Variants in NAT1 observed in about 807,000 individuals in gnomAD.
The protein encoded by NAT1 is N-acetyltransferase 1.
For missense variants in NAT1, 400 were observed against 339.2 expected (o/e 1.18, Z -1.41); for synonymous variants, 144 against 122.6 (o/e 1.17, Z -1.16).
rs548989882 is a variant in NAT1, at chr8:18,173,456, T to C, written n.92+2717T>C. 9.2e-5 allele frequency among the ~76,000 whole-genome samples: 14 copies of C among 152,300 alleles called. No individual in the cohort carries two copies. In the East Asian group the frequency reaches 2.7e-3, roughly 29 times the overall value. ...ACTACACAGAGGAAAAGCAAGGCTG[T>C]TGTGGATACTCATGTGCTTATGCTG... On this transcript the variant is annotated intron_variant and non_coding_transcript_variant, in intron 2 of 4. Transcript: ENST00000517441.
intron 2 of NAT1, among the ~76,000 whole-genome samples, chr8:18,196,390 C>G (rs1803234925): frequency 6.6e-6 from 1 of 151,176 alleles, no homozygotes; most frequent in African/African-American, 2.4e-5. Context: ...TAGGGATGAA[C>G]ATATGAGGAA....
chr8:18,204,502 C>T (rs568588954), intron 2 of NAT1, among the ~76,000 whole-genome samples: 12 of 152,238 alleles, frequency 7.9e-5, no homozygotes, highest in Non-Finnish European at 1.5e-4. Context: ...AAAACTGAAA[C>T]ATTACTTATT....
At chr8:18,201,270 C>A (rs974595590) in intron 2 of NAT1, 1 of 152,076 alleles carries the variant, frequency 6.6e-6, no homozygotes, top group African/African-American at 2.4e-5. Context: ...AAACTCATTA[C>A]CAATTCAACT....
intron 2 of NAT1, among the ~76,000 whole-genome samples, chr8:18,175,401 T>C (rs1039984021): frequency 3.3e-5 from 5 of 152,068 alleles, no homozygotes; most frequent in Non-Finnish European, 7.4e-5. Context: ...TGGTAATCCC[T>C]CTATACTTTT....
chr8:18,220,907 C>T (rs1037143305), intron 2 of NAT1, among the ~76,000 whole-genome samples: 3 of 152,196 alleles, frequency 2.0e-5, no homozygotes, highest in Admixed American at 2.0e-4. Context: ...AAATTGGTCC[C>T]ACCTAGTCCA....
chr8:18,200,610 C>G (rs570659109), intron 2 of NAT1, among the ~76,000 whole-genome samples: 3 of 152,226 alleles, frequency 2.0e-5, no homozygotes, highest in African/African-American at 7.2e-5. Flanking sequence ...GGGTGATGAA[C>G]TAACCTGTAC....
chr8:18,204,971 A>G (rs962493048), intron 2 of NAT1, among the ~76,000 whole-genome samples: 1 of 152,138 alleles, frequency 6.6e-6, no homozygotes, highest in African/African-American at 2.4e-5. Context: ...CAACTTCTGG[A>G]CTGTATGCTC....
upstream of NAT1, among the ~76,000 whole-genome samples, chr8:18,209,085 T>A (rs1803864802): frequency 6.6e-6 from 1 of 152,180 alleles, no homozygotes; most frequent in African/African-American, 2.4e-5. Flanking sequence ...GGAGGCAGTG[T>A]TATACAAGCC....
At chr8:18,187,668 C>T (rs1037412113) in intron 2 of NAT1, among the ~76,000 whole-genome samples, 10 of 151,464 alleles carry the variant, frequency 6.6e-5, no homozygotes, top group Non-Finnish European at 1.0e-4. Flanking sequence ...CACATGGACA[C>T]GAAGAAGGGA....
intron 2 of NAT1, among the ~76,000 whole-genome samples, chr8:18,198,282 A>C (rs1000853877): frequency 6.6e-6 from 1 of 152,176 alleles, no homozygotes. Flanking sequence ...TCAGAGAAAA[A>C]CATTATGAGA....
chr8:18,220,212 A>T lies in NAT1; in HGVS notation c.-7+723A>T, dbSNP rs187821007. Among the ~76,000 whole-genome samples the T allele has an allele frequency of 6.4e-3, 972 of 152,322 alleles. 4 individuals are homozygous for T. Among genetic ancestry groups the T allele is most frequent in the Non-Finnish European group, 8.1e-3 (550 of 68,032 alleles). ...CGAAAGGGTGCTGGTGGAAGTTAGG[A>T]TGAGAAGAAATGCAATCTAATAGAT... On this transcript the variant is annotated intron_variant, in intron 2 of 2. Transcript: ENST00000307719.
At chr8:18,190,277 G>A (rs1484399788) in intron 2 of NAT1, among the ~76,000 whole-genome samples, 1 of 152,140 alleles carries the variant, frequency 6.6e-6, no homozygotes, top group African/African-American at 2.4e-5. Context: ...AACTTTTTCT[G>A]TTCACTCCTG....
chr8:18,199,835 C>T (rs1219355636), intron 2 of NAT1, among the ~76,000 whole-genome samples: 1 of 151,980 alleles, frequency 6.6e-6, no homozygotes, highest in East Asian at 1.9e-4. Flanking sequence ...AACAAACAGC[C>T]ACATTAAAAG....
At position 18,195,538 on chromosome 8, in the gene NAT1, C is replaced by T. The variant is rs114861435; in HGVS notation, n.93-14243C>T. Reference sequence around the variant, plus strand: ...GGACCCATCCCCAGAGAACTGTATACGCTTCCTGCTTTCAAATAATATGTG... The same window carrying T: ...GGACCCATCCCCAGAGAACTGTATATGCTTCCTGCTTTCAAATAATATGTG... On this transcript the variant is annotated intron_variant and non_coding_transcript_variant, in intron 2 of 4. Coordinates refer to the NAT1 transcript ENST00000517441. Among the ~76,000 whole-genome samples the T allele has an allele frequency of 3.5e-4, 53 of 152,284 alleles. 1 individual carries two copies. The highest frequency in any genetic ancestry group is 1.2e-3 in the African/African-American group (50 of 41,562).
At chr8:18,176,814 T>C (rs1802313212) in intron 2 of NAT1, among the ~76,000 whole-genome samples, 1 of 152,140 alleles carries the variant, frequency 6.6e-6, no homozygotes, top group Middle Eastern at 3.4e-3. Flanking sequence ...TTGGGTATTA[T>C]GGATAGTTTA....
rs28383666 is a variant in NAT1, at chr8:18,178,635, T to G, written n.92+7896T>G. On this transcript the variant is annotated intron_variant and non_coding_transcript_variant, in intron 2 of 4. Coordinates refer to the NAT1 transcript ENST00000517441. The stretch of plus-strand genomic sequence containing the variant: ...GAAAATTATCACTGTTCTTTCCATT[T>G]AAGTCACAGATGAATAGAATTGCAA... Among the ~76,000 whole-genome samples, 1,487 of 152,298 alleles carry G rather than the reference T, an allele frequency of 9.8e-3. 15 individuals carry two copies. Among genetic ancestry groups the G allele is most frequent in the African/African-American group, 0.033 (1,353 of 41,576 alleles).
At chr8:18,185,562 C>G (rs1802700259) in intron 2 of NAT1, among the ~76,000 whole-genome samples, 1 of 152,044 alleles carries the variant, frequency 6.6e-6, no homozygotes, top group African/African-American at 2.4e-5. Flanking sequence ...TTTGGTCAGT[C>G]TCATCAGGGT....
chr8:18,196,619 G>A (rs1186211360), intron 2 of NAT1, among the ~76,000 whole-genome samples: 1 of 152,138 alleles, frequency 6.6e-6, no homozygotes, highest in African/African-American at 2.4e-5. Context: ...ATTTCAATCT[G>A]AGAAAGTCAT....
intron 2 of NAT1, among the ~76,000 whole-genome samples, chr8:18,179,162 G>A (rs1802411125): frequency 6.6e-6 from 1 of 152,074 alleles, no homozygotes; most frequent in African/African-American, 2.4e-5. Context: ...TTTGGTGTCT[G>A]TTCCTTGCCT....
Sources: gnomAD v4.1 joint callset for allele counts (sites outside exome capture counted in the v4.1 genomes callset) on GRCh38, gnomAD v4.1.1 for gene constraint, MANE v1.5 for transcripts, NCBI Gene and HGNC (gene_info 2026-07-23, HGNC 2026-07-21) for gene names.